Variants in KCNIP4 observed in about 807,000 individuals in gnomAD.
KCNIP4 encodes potassium voltage-gated channel interacting protein 4.
KCNIP4 carries 12 observed loss-of-function variants against 34.0 expected under a neutral mutation model. That is an observed-to-expected ratio of 0.35 (90% CI 0.23 to 0.57). The LOEUF (loss-of-function observed/expected upper bound fraction) is 0.57. KCNIP4 is among the 20% of genes least tolerant of loss of function. The pLI is 0.83. For missense variants in KCNIP4, 238 were observed against 311.7 expected (o/e 0.76, Z 1.78); for synonymous variants, 124 against 102.2 (o/e 1.21, Z -1.29).
At chr4:21,511,402 G>C (rs1451240114) in intron 1 of KCNIP4, among the ~76,000 whole-genome samples, 1 of 53,970 alleles carries the variant, frequency 1.9e-5, no homozygotes, top group African/African-American at 4.6e-5. Context: ...CTCATTCTTG[G>C]GTTTTACTTT....
chr4:20,770,688 C>T (rs1011755938), intron 3 of KCNIP4, among the ~76,000 whole-genome samples: 3 of 151,962 alleles, frequency 2.0e-5, no homozygotes, highest in Non-Finnish European at 4.4e-5. Flanking sequence ...AATCCCAGAA[C>T]TTTGGGAGGC....
chr4:21,028,367 A>G (rs1177277420), intron 1 of KCNIP4, among the ~76,000 whole-genome samples: 5 of 152,172 alleles, frequency 3.3e-5, no homozygotes, highest in Non-Finnish European at 7.4e-5. Flanking sequence ...ACAGCCTCTG[A>G]TTTTTACTTG....
intron 1 of KCNIP4, among the ~76,000 whole-genome samples, chr4:21,030,467 T>C (rs1358818061): frequency 6.6e-6 from 1 of 152,146 alleles, no homozygotes; most frequent in Non-Finnish European, 1.5e-5. Flanking sequence ...TGTAATGTGC[T>C]TGAATCATCC....
chr4:21,804,117 G>C (rs1250972746), intron 1 of KCNIP4, among the ~76,000 whole-genome samples: 1 of 152,248 alleles, frequency 6.6e-6, no homozygotes, highest in Non-Finnish European at 1.5e-5. Context: ...ACTGGGGACT[G>C]TGAATTGGAT....
At chr4:21,465,750 A>G (rs1023533488) in intron 1 of KCNIP4, among the ~76,000 whole-genome samples, 4 of 152,208 alleles carry the variant, frequency 2.6e-5, no homozygotes, top group Admixed American at 2.6e-4. Flanking sequence ...GGTACCTGAC[A>G]CATAGTGGGC....
chr4:20,925,640 T>C (rs1729828938), intron 1 of KCNIP4, among the ~76,000 whole-genome samples: 1 of 152,206 alleles, frequency 6.6e-6, no homozygotes, highest in Non-Finnish European at 1.5e-5. Context: ...CACATTACTC[T>C]ATGGACTTGC....
chr4:21,638,536 G>A (rs115886289), intron 1 of KCNIP4, among the ~76,000 whole-genome samples: 4,278 of 152,152 alleles, frequency 0.028, 213 homozygotes, highest in African/African-American at 0.097. Context: ...ACCTTTACAA[G>A]GCAAACTGCA....
chr4:20,852,802 A>C (rs1721172697), intron 2 of KCNIP4, among the ~76,000 whole-genome samples: 1 of 152,232 alleles, frequency 6.6e-6, no homozygotes. Context: ...ATTAATGTAC[A>C]AAAATCAGTA....
intron 3 of KCNIP4, among the ~76,000 whole-genome samples, chr4:20,829,409 A>T (rs1264113601): frequency 1.3e-5 from 2 of 151,928 alleles, no homozygotes; most frequent in African/African-American, 4.8e-5. Context: ...GGGTTTCACC[A>T]TGTTAGCCAG....
chr4:21,322,176 G>A (rs1436059989), intron 1 of KCNIP4, among the ~76,000 whole-genome samples: 1 of 151,352 alleles, frequency 6.6e-6, no homozygotes, highest in East Asian at 2.0e-4. Context: ...AAGGAAGGAA[G>A]GAAGGAAGGA....
chr4:21,705,774 A>G (rs1171922854), intron 1 of KCNIP4, among the ~76,000 whole-genome samples: 1 of 152,210 alleles, frequency 6.6e-6, no homozygotes, highest in Non-Finnish European at 1.5e-5. Context: ...CTTTCTCTGT[A>G]TATGTAACTT....
intron 1 of KCNIP4, among the ~76,000 whole-genome samples, chr4:21,221,690 A>C (rs926449001): frequency 6.6e-6 from 1 of 152,150 alleles, no homozygotes; most frequent in Non-Finnish European, 1.5e-5. Flanking sequence ...ATATCAGAGC[A>C]TCATTTTGGC....
intron 1 of KCNIP4, among the ~76,000 whole-genome samples, chr4:21,321,557 G>C (rs1264888299): frequency 6.6e-6 from 1 of 151,910 alleles, no homozygotes; most frequent in Non-Finnish European, 1.5e-5. Flanking sequence ...GATTAAGTGG[G>C]TAGCAATACA....
rs114881659 is a variant in KCNIP4 at position 21,902,364 on chromosome 4, C to T, written c.61+46207G>A. 7.9e-3 allele frequency among the ~76,000 whole-genome samples: 1,198 copies of T among 152,070 alleles called. 15 individuals are homozygous for T. The highest frequency in any genetic ancestry group is 0.027 in the African/African-American group (1,133 of 41,506). On this transcript the variant is annotated intron_variant, in intron 1 of 8. Coordinates refer to ENST00000382152, the MANE Select transcript of KCNIP4 (RefSeq NM_025221.6). ...AATATTTGAAGTTTTGTCCTTATGG[C>T]TCTTACAATTTAATAAGTCTAATAA... is the stretch of plus-strand genomic sequence containing the variant.
intron 1 of KCNIP4, among the ~76,000 whole-genome samples, chr4:21,747,914 GAGA>G (rs766381631): frequency 2.6e-5 from 4 of 152,132 alleles, no homozygotes; most frequent in Non-Finnish European, 4.4e-5. Context: ...AGGACACACA[GAGA>G]AGAAGCCATG....
At chr4:21,865,668 G>A (rs1292124593) in intron 1 of KCNIP4, among the ~76,000 whole-genome samples, 1 of 151,926 alleles carries the variant, frequency 6.6e-6, no homozygotes, top group Non-Finnish European at 1.5e-5. Flanking sequence ...TCAGCCTCTG[G>A]AGTCGCTGGG....
intron 3 of KCNIP4, among the ~76,000 whole-genome samples, chr4:20,825,474 A>G (rs1159900787): frequency 3.9e-5 from 6 of 152,174 alleles, no homozygotes; most frequent in Non-Finnish European, 7.3e-5. Context: ...GAAGGAGTCA[A>G]GAATGATCCC....
At chr4:21,130,386 C>T (rs867092465) in intron 1 of KCNIP4, among the ~76,000 whole-genome samples, 3 of 152,226 alleles carry the variant, frequency 2.0e-5, no homozygotes, top group Middle Eastern at 3.4e-3. Context: ...TCTCTTTATC[C>T]TCTGTGTAAT....
At chr4:20,792,019 A>G (rs974312574) in intron 3 of KCNIP4, among the ~76,000 whole-genome samples, 1 of 152,182 alleles carries the variant, frequency 6.6e-6, no homozygotes, top group African/African-American at 2.4e-5. Flanking sequence ...ACTTCTATAT[A>G]TACATCTATA....
Sources: allele counts gnomAD v4.1 joint callset (sites outside exome capture counted in the v4.1 genomes callset), GRCh38; gene constraint gnomAD v4.1.1; transcripts MANE v1.5; gene names NCBI Gene and HGNC (gene_info 2026-07-23, HGNC 2026-07-21).